The following GPATCH2L variants were observed in gnomAD, a reference collection of about 807,000 sequenced individuals.
GPATCH2L encodes the protein G-patch domain containing 2 like.
In GPATCH2L, 31 loss-of-function variants were observed where a neutral mutation model predicts 57.4. The observed-to-expected ratio is 0.54, with a 90% CI of 0.41 to 0.73. The LOEUF is 0.73. Ranked by LOEUF, GPATCH2L falls within the 30% of genes least tolerant of loss-of-function variation. The pLI, the probability that GPATCH2L is intolerant of heterozygous loss-of-function variation, is 0.00. For synonymous variants in GPATCH2L, 199 were observed against 210.7 expected (o/e 0.94, Z 0.48); for missense variants, 481 against 599.9 (o/e 0.80, Z 2.07).
In GPATCH2L at chr14:76,171,991, C is replaced by T. The variant is rs373203232; in HGVS notation, c.876C>T (p.Phe292=). The stretch of plus-strand genomic sequence containing the variant: ...TGGATAAATTTTCAGATTCCACATT[C>T]CTTTTACCTTCTCGGCCAGCTCAAA... ...SGLDKFSDST[F]LLPSRPAQRG... Residue 292 remains phenylalanine (F), a synonymous_variant, in exon 4 of 10, where the codon TTC becomes TTT. Transcript: ENST00000261530. 6.0e-5 allele frequency: 96 copies of T among 1,611,270 alleles called. No homozygotes were observed. The highest frequency in any genetic ancestry group is 4.9e-4 in the Middle Eastern group (3 of 6,074).
At chr14:76,187,760 T>TA (rs1452647891) in intron 8 of GPATCH2L, among the ~76,000 whole-genome samples, 1 of 152,120 alleles carries the variant, frequency 6.6e-6, no homozygotes, top group Non-Finnish European at 1.5e-5. Flanking sequence ...AATGTACAGT[T>TA]AGATTATTAT....
At chr14:76,185,611 C>G (rs547833518) in intron 8 of GPATCH2L, among the ~76,000 whole-genome samples, 51 of 152,094 alleles carry the variant, frequency 3.4e-4, no homozygotes, top group African/African-American at 1.2e-3. Flanking sequence ...TTTTAGTGAC[C>G]TTTCCTTTAT....
At chr14:76,220,625 T>G (rs1158204213) in intron 1 of GPATCH2L, among the ~76,000 whole-genome samples, 1 of 152,160 alleles carries the variant, frequency 6.6e-6, no homozygotes, top group Non-Finnish European at 1.5e-5. Context: ...TAACCAGCAG[T>G]GTCAGAAGAG....
downstream of GPATCH2L, among the ~76,000 whole-genome samples, chr14:76,218,803 AAT>A (rs1389795307): frequency 2.0e-5 from 3 of 152,020 alleles, no homozygotes; most frequent in Admixed American, 2.0e-4. Context: ...AATAGATCTA[AAT>A]ACTTACGAGA....
At chr14:76,155,760 A>G (rs1456692650) in intron 2 of GPATCH2L, among the ~76,000 whole-genome samples, 2 of 152,202 alleles carry the variant, frequency 1.3e-5, no homozygotes, top group African/African-American at 2.4e-5. Flanking sequence ...AATGTTATTA[A>G]TATTAATCTG....
chr14:76,171,247 A>T (rs1263809801), intron 3 of GPATCH2L, among the ~76,000 whole-genome samples: 1 of 151,494 alleles, frequency 6.6e-6, no homozygotes, highest in Non-Finnish European at 1.5e-5. Flanking sequence ...AGCCTGGGCA[A>T]CATAAGGAGA....
rs773988561 is a variant in GPATCH2L at position 76,172,005 on chromosome 14, G to A, written c.890G>A (p.Arg297Gln). 5.8e-5 allele frequency: 94 copies of A among 1,608,226 alleles called. No individual in the cohort carries two copies. The Admixed American group carries it at 9.3e-4, about 16-fold the overall frequency. ...FSDSTFLLPSRPAQRGYHTRL... is the reference protein window; with the variant it reads ...FSDSTFLLPSQPAQRGYHTRL... ...GATTCCACATTCCTTTTACCTTCTC[G>A]GCCAGCTCAAAGAGGTGAGTTCTGA... Residue 297 changes from arginine (R) to glutamine (Q), a missense_variant, in exon 4 of 10, where the codon CGG becomes CAG. This residue lies in a region of GPATCH2L where 248 missense variants were observed against 270.5 expected (regional missense o/e 0.92). Coordinates refer to ENST00000261530, the MANE Select transcript of GPATCH2L (RefSeq NM_017926.4).
downstream of GPATCH2L, among the ~76,000 whole-genome samples, chr14:76,215,036 C>T (rs1040954675): frequency 3.3e-5 from 5 of 151,880 alleles, no homozygotes; most frequent in East Asian, 3.9e-4. Flanking sequence ...TTTATCATTG[C>T]TCCTCTAGAA....
intron 9 of GPATCH2L, among the ~76,000 whole-genome samples, chr14:76,200,625 T>C (rs1048676633): frequency 1.3e-5 from 2 of 152,200 alleles, no homozygotes; most frequent in Admixed American, 6.5e-5. Context: ...ATTTTTACAT[T>C]AGCCCACAAT....
At chr14:76,156,674 T>G (rs2038322165) in intron 2 of GPATCH2L, among the ~76,000 whole-genome samples, 1 of 152,242 alleles carries the variant, frequency 6.6e-6, no homozygotes, top group African/African-American at 2.4e-5. Flanking sequence ...AGAAGTCTTC[T>G]TAGTATTGAG....
At chr14:76,197,736 T>C (rs181218641) in intron 9 of GPATCH2L, among the ~76,000 whole-genome samples, 1 of 152,292 alleles carries the variant, frequency 6.6e-6, no homozygotes, top group African/African-American at 2.4e-5. Flanking sequence ...GGCCAGCTCC[T>C]AGCACTAAAT....
Position 76,204,520 on chromosome 14 carries a change from A to C in GPATCH2L, c.*2669A>C, listed in dbSNP as rs544212882. 1 of 152,312 alleles carries C rather than the reference A, an allele frequency of 6.6e-6. No individual in the cohort carries two copies. Among genetic ancestry groups the C allele is most frequent in the South Asian group, 2.1e-4 (1 of 4,824 alleles). The allele number at this position is 152,312 out of a possible 1,614,324, so 9.4% of individuals were successfully genotyped here. ...GTTCCAGAGGATAGCCTTAGAAATG[A>C]GTGTATTTTGAATCTTAAAGTTTCT... On this transcript the variant is annotated 3_prime_UTR_variant, in exon 10 of 10. Transcript: ENST00000261530.
intron 2 of GPATCH2L, among the ~76,000 whole-genome samples, chr14:76,156,469 C>T (rs906281657): frequency 2.6e-5 from 4 of 152,182 alleles, no homozygotes; most frequent in Admixed American, 6.5e-5. Flanking sequence ...CCTAATTTTC[C>T]TCTAATGCCT....
rs117256170 is a variant in GPATCH2L, at chr14:76,197,525, C to T, written c.1288+1553C>T. Among the ~76,000 whole-genome samples the T allele has an allele frequency of 5.8e-4, 89 of 152,260 alleles. No individual in the cohort carries two copies. In the East Asian group the frequency reaches 0.015, roughly 26 times the overall value. ...CACTTGTTGACTAAGCCCTGCTTCACTGAGCATTTTCTTTTTTTCTGCCCA... is the reference window on the plus strand; with the variant it reads ...CACTTGTTGACTAAGCCCTGCTTCATTGAGCATTTTCTTTTTTTCTGCCCA... On this transcript the variant is annotated intron_variant, in intron 9 of 9. Coordinates refer to ENST00000261530, the MANE Select transcript of GPATCH2L (RefSeq NM_017926.4).
chr14:76,224,280 G>T (rs2040527459), intron 1 of GPATCH2L, among the ~76,000 whole-genome samples: 1 of 152,152 alleles, frequency 6.6e-6, no homozygotes, highest in African/African-American at 2.4e-5. Flanking sequence ...GTTTCTTTCT[G>T]CAGTGATGAA....
At chr14:76,189,203 A>G (rs748768930) in intron 8 of GPATCH2L, among the ~76,000 whole-genome samples, 1 of 152,054 alleles carries the variant, frequency 6.6e-6, no homozygotes, top group African/African-American at 2.4e-5. Context: ...TTGTGGCTGC[A>G]TATAAATTTT....
At chr14:76,169,800 G>C (rs1398517711) in intron 3 of GPATCH2L, among the ~76,000 whole-genome samples, 1 of 152,192 alleles carries the variant, frequency 6.6e-6, no homozygotes, top group Non-Finnish European at 1.5e-5. Flanking sequence ...ATATATTGAA[G>C]TACAGAGAAA....
intron 1 of GPATCH2L, among the ~76,000 whole-genome samples, chr14:76,224,258 A>T (rs2040527398): frequency 6.6e-6 from 1 of 152,204 alleles, no homozygotes; most frequent in African/African-American, 2.4e-5. Context: ...AAGGACTGCT[A>T]GTAGGTATGA....
In GPATCH2L at chr14:76,155,970, A is replaced by G. The variant is rs184995840; in HGVS notation, c.662+945A>G. ...ACCAGTGTATTCTATTATTGTTAATATTAGTTGGCATTTATTAAGCACTCA... is the reference window on the plus strand; with the variant it reads ...ACCAGTGTATTCTATTATTGTTAATGTTAGTTGGCATTTATTAAGCACTCA... On this transcript the variant is annotated intron_variant, in intron 2 of 9. Transcript: ENST00000261530. 1.9e-3 allele frequency among the ~76,000 whole-genome samples: 285 copies of G among 152,320 alleles called. 1 individual carries two copies. The highest frequency in any genetic ancestry group is 6.7e-3 in the African/African-American group (277 of 41,558).
Sources: gnomAD v4.1 joint callset for allele counts (sites outside exome capture counted in the v4.1 genomes callset) on GRCh38, gnomAD v4.1.1 for gene constraint, gnomAD v4.1.1 regional missense constraint, MANE v1.5 for transcripts, NCBI Gene and HGNC (gene_info 2026-07-23, HGNC 2026-07-21) for gene names.